Variants in DOCK4 observed in about 807,000 individuals in gnomAD.
The protein encoded by DOCK4 is dedicator of cytokinesis protein 4.
In DOCK4, 97 loss-of-function variants were observed where a neutral mutation model predicts 268.1. The ratio of observed to expected loss-of-function variants is 0.36; its 90% confidence interval spans 0.31 to 0.43. The LOEUF (loss-of-function observed/expected upper bound fraction) is 0.43, where lower values mean the gene tolerates loss of function less well. Among genes scored for constraint, DOCK4 ranks in the 20% least tolerant of loss-of-function variants. The pLI is 1.00. For synonymous variants in DOCK4, 954 were observed against 887.2 expected (o/e 1.08, Z -1.34); for missense variants, 2,145 against 2,455.7 (o/e 0.87, Z 2.67).
intron 26 of DOCK4, among the ~76,000 whole-genome samples, chr7:111,828,593 A>G (rs535819146): frequency 3.3e-5 from 5 of 152,306 alleles, no homozygotes; most frequent in African/African-American, 9.6e-5. Flanking sequence ...ATAATTGATC[A>G]AGTATCAATT....
chr7:112,098,380 T>C (rs1041005045), intron 1 of DOCK4, among the ~76,000 whole-genome samples: 2 of 151,940 alleles, frequency 1.3e-5, no homozygotes, highest in Non-Finnish European at 2.9e-5. Flanking sequence ...GGTTTCACCA[T>C]GTTGGTCAGG....
chr7:111,897,970 G>C (rs1202683034), intron 15 of DOCK4, among the ~76,000 whole-genome samples: 3 of 152,036 alleles, frequency 2.0e-5, no homozygotes, highest in Non-Finnish European at 4.4e-5. Context: ...AAAAAGAACT[G>C]AACCATTACC....
At chr7:112,060,698 C>T (rs903390126) in intron 1 of DOCK4, among the ~76,000 whole-genome samples, 2 of 152,154 alleles carry the variant, frequency 1.3e-5, no homozygotes, top group African/African-American at 2.4e-5. Flanking sequence ...GAACATTCTG[C>T]TAACTGAAAT....
chr7:111,732,170 T>C (rs756029525), intron 52 of DOCK4, 56 bp downstream of exon 52: 4 of 1,563,868 alleles, frequency 2.6e-6, no homozygotes, highest in Non-Finnish European at 3.5e-6. Context: ...GGATGAGTCT[T>C]AGAGAAAAAG....
intron 32 of DOCK4, 27 bp downstream of exon 32, chr7:111,788,635 T>C: frequency 1.9e-6 from 3 of 1,550,514 alleles, no homozygotes; most frequent in Non-Finnish European, 2.6e-6. Context: ...CAGAATGGAA[T>C]CAACTTGAGA....
intron 1 of DOCK4, among the ~76,000 whole-genome samples, chr7:112,155,004 A>G (rs1445927661): frequency 6.6e-6 from 1 of 152,206 alleles, no homozygotes; most frequent in Non-Finnish European, 1.5e-5. Flanking sequence ...AAACACTTCC[A>G]TATTCATGAT....
At chr7:111,855,399 A>C (rs1804919925) in intron 23 of DOCK4, among the ~76,000 whole-genome samples, 1 of 152,042 alleles carries the variant, frequency 6.6e-6, no homozygotes, top group Non-Finnish European at 1.5e-5. Context: ...GGCAAAAGGG[A>C]GAAGGAATGA....
intron 1 of DOCK4, among the ~76,000 whole-genome samples, chr7:112,115,815 G>A (rs1036294723): frequency 6.6e-6 from 1 of 152,158 alleles, no homozygotes; most frequent in Non-Finnish European, 1.5e-5. Context: ...CTGAGTAGCA[G>A]GACTACAGGT....
intron 51 of DOCK4, among the ~76,000 whole-genome samples, chr7:111,733,846 T>C (rs745527804): frequency 6.6e-6 from 1 of 152,224 alleles, no homozygotes; most frequent in South Asian, 2.1e-4. Flanking sequence ...TTAAAGTTAT[T>C]TCTTGTTTTC....
intron 1 of DOCK4, among the ~76,000 whole-genome samples, chr7:112,027,159 G>A (rs563819091): frequency 1.2e-4 from 18 of 152,230 alleles, no homozygotes; most frequent in African/African-American, 4.3e-4. Context: ...AAGCCTCTAG[G>A]ACCAGAAAAA....
At chr7:111,873,599 A>G (rs1300922813) in intron 17 of DOCK4, among the ~76,000 whole-genome samples, 1 of 152,184 alleles carries the variant, frequency 6.6e-6, no homozygotes, top group African/African-American at 2.4e-5. Context: ...TTTCTGAGAA[A>G]CAGAAAGATG....
chr7:111,732,422 G>T, intron 51 of DOCK4, 135 bp from the exon 52 acceptor site: 1 of 815,516 alleles, frequency 1.2e-6, no homozygotes. Context: ...GGGTGGTGAG[G>T]ATGGGGGAGA....
At chr7:111,936,479 G>A (rs1339772779) in intron 11 of DOCK4, among the ~76,000 whole-genome samples, 2 of 139,468 alleles carry the variant, frequency 1.4e-5, no homozygotes, top group Non-Finnish European at 3.0e-5. Flanking sequence ...AACTGTCAGT[G>A]GTATGAATGG....
intron 1 of DOCK4, among the ~76,000 whole-genome samples, chr7:112,165,981 T>C (rs534621710): frequency 5.9e-5 from 9 of 152,278 alleles, no homozygotes; most frequent in African/African-American, 2.2e-4. Flanking sequence ...ACCACTGCTG[T>C]TACTGAGGAG....
intron 31 of DOCK4, 109 bp from the exon 32 acceptor site, chr7:111,788,856 T>G: frequency 2.0e-6 from 2 of 980,744 alleles, no homozygotes; most frequent in Non-Finnish European, 3.2e-6. Flanking sequence ...GTAAATTTTG[T>G]GAAAGTGACA....
intron 35 of DOCK4, among the ~76,000 whole-genome samples, chr7:111,781,030 G>C (rs1798756633): frequency 6.6e-6 from 1 of 152,174 alleles, no homozygotes; most frequent in Non-Finnish European, 1.5e-5. Context: ...CCTACTGGGA[G>C]ACTAGAGTAA....
At chr7:111,801,500 T>A (rs547343359) in intron 30 of DOCK4, among the ~76,000 whole-genome samples, 2 of 152,142 alleles carry the variant, frequency 1.3e-5, no homozygotes, top group African/African-American at 4.8e-5. Flanking sequence ...AGCCATGTCA[T>A]CACTATCTCT....
chr7:112,018,220 A>C (rs1802028274), intron 1 of DOCK4, among the ~76,000 whole-genome samples: 1 of 149,018 alleles, frequency 6.7e-6, no homozygotes, highest in Admixed American at 6.8e-5. Flanking sequence ...GTTATCTAGG[A>C]AACTAATAAA....
intron 1 of DOCK4, among the ~76,000 whole-genome samples, chr7:112,016,809 A>T (rs1375625762): frequency 6.6e-6 from 1 of 152,228 alleles, no homozygotes; most frequent in Non-Finnish European, 1.5e-5. Flanking sequence ...TCAGAAAATG[A>T]AAAACATTTC....
Sources: allele counts gnomAD v4.1 joint callset (sites outside exome capture counted in the v4.1 genomes callset), GRCh38; gene constraint gnomAD v4.1.1; transcripts MANE v1.5; gene names NCBI Gene and HGNC (gene_info 2026-07-23, HGNC 2026-07-21).